Variants in CSF2RB observed in about 807,000 individuals in gnomAD.
CSF2RB encodes the protein colony stimulating factor 2 receptor subunit beta.
CSF2RB carries 22 observed loss-of-function variants against 67.2 expected under a neutral mutation model. The ratio of observed to expected loss-of-function variants is 0.33; its 90% CI spans 0.23 to 0.47. The LOEUF (loss-of-function observed/expected upper bound fraction) is 0.47. Ranked by LOEUF, CSF2RB falls within the 20% of genes least tolerant of loss-of-function variation. The pLI, the probability that CSF2RB is intolerant of heterozygous loss-of-function variation, is 1.00. For missense variants in CSF2RB, 1,113 were observed against 1,174.5 expected (o/e 0.95, Z 0.76); for synonymous variants, 507 against 482.9 (o/e 1.05, Z -0.65).
rs1227019581 is a variant in CSF2RB, at chr22:36,938,078, G to T, written c.2270G>T (p.Gly757Val). The part of the protein sequence containing the change: ...GLASGPPGAP[G>V]PVKSGFEGYV... ...GCCAGTGGACCCCCTGGAGCCCCAGGCCCTGTGAAGTCAGGGTTTGAGGGC... is the reference window on the plus strand; with the variant it reads ...GCCAGTGGACCCCCTGGAGCCCCAGTCCCTGTGAAGTCAGGGTTTGAGGGC... Residue 757 changes from glycine to valine, a missense_variant, in exon 14 of 14, where the codon GGC (glycine) becomes GTC (valine). Gly to Val is a moderately radical substitution (Grantham distance 109). Coordinates refer to ENST00000403662, the MANE Select transcript of CSF2RB (RefSeq NM_000395.3). The T allele has an allele frequency of 1.2e-6, 2 of 1,614,114 alleles. No individual in the cohort carries two copies. Among genetic ancestry groups the T allele is most frequent in the Admixed American group, 1.7e-5 (1 of 60,030 alleles).
intron 2 of CSF2RB, among the ~76,000 whole-genome samples, 173 bp downstream of exon 2, chr22:36,922,456 T>C (rs1293566065): frequency 6.6e-6 from 1 of 152,148 alleles, no homozygotes; most frequent in East Asian, 1.9e-4. Flanking sequence ...CTCCTGCACA[T>C]TCCTGCTCAT....
At chr22:36,926,612 CT>C (rs1941022686) in intron 4 of CSF2RB, among the ~76,000 whole-genome samples, 1 of 152,204 alleles carries the variant, frequency 6.6e-6, no homozygotes, top group South Asian at 2.1e-4. Context: ...TGGGGTCAGC[CT>C]TCCCGGGGGC....
chr22:36,920,459 C>A (rs1188907068), intron 1 of CSF2RB, among the ~76,000 whole-genome samples: 1 of 152,200 alleles, frequency 6.6e-6, no homozygotes, highest in Non-Finnish European at 1.5e-5. Context: ...AAGGAACAGG[C>A]CCTCACCAGA....
chr22:36,937,886 T>G lies in CSF2RB; in HGVS notation c.2078T>G (p.Val693Gly). ...GGACAGGACCAAAAGGACAGCCCTG[T>G]GGCTATACCCATGAGCTCTGGGGAC... ...VGGQDQKDSP[V>G]AIPMSSGDTE... Residue 693 changes from valine to glycine, a missense_variant, in exon 14 of 14, where the codon GTG becomes GGG. By Grantham distance (109) the Val-to-Gly change is moderately radical. Transcript: ENST00000403662. This position sits in a 1 kb window ranked among gnomAD's most constrained non-coding sequence, Gnocchi z 4.6. 1 of 1,614,158 alleles carries G rather than the reference T, an allele frequency of 6.2e-7. No individual in the cohort carries two copies. Among genetic ancestry groups the G allele is most frequent in the Non-Finnish European group, 8.5e-7 (1 of 1,180,002 alleles).
intron 3 of CSF2RB, among the ~76,000 whole-genome samples, chr22:36,924,269 T>TCC: frequency 1.6e-5 from 1 of 63,602 alleles, no homozygotes; most frequent in Non-Finnish European, 3.1e-5. Flanking sequence ...ACACTCACAC[T>TCC]CCCCACCCCC....
chr22:36,923,119 C>A (rs1335967013), intron 2 of CSF2RB, 125 bp from the exon 3 acceptor site: 18 of 1,441,154 alleles, frequency 1.2e-5, no homozygotes, highest in Non-Finnish European at 1.6e-5. Context: ...GCCTGGCCAC[C>A]TGGTGCCTCT....
chr22:36,921,996 A>T (rs1352277121), intron 1 of CSF2RB, 40 bp from the exon 2 acceptor site: 1 of 598,988 alleles, frequency 1.7e-6, no homozygotes, highest in Non-Finnish European at 3.0e-6. Flanking sequence ...GGACACGTGG[A>T]AGGGGAGGGG....
intron 1 of CSF2RB, among the ~76,000 whole-genome samples, chr22:36,915,422 T>TTA (rs35022648): frequency 0.39 from 56,447 of 146,224 alleles, 12,143 homozygotes; most frequent in East Asian, 0.52. Context: ...ATTATTTTAT[T>TTA]TATATATATA....
At position 36,933,912 on chromosome 22, in the gene CSF2RB, G is replaced by A. The variant is rs1941213698; in HGVS notation, c.1233G>A (p.Arg411=). The A allele has an allele frequency of 1.2e-6, 2 of 1,612,050 alleles. No individual in the cohort carries two copies. The highest frequency in any genetic ancestry group is 1.3e-5 in the African/African-American group (1 of 74,882). The part of the protein sequence containing the change: ...ALEPSTRYWA[R]VRVRTSRTGY... ...AGCCCTCCACCAGGTACTGGGCCAG[G>A]GTGAGGGTCAGGACCTCCCGCACCG... The change falls in exon 10 of 14, where the codon AGG becomes AGA. Residue 411 remains arginine (R), a synonymous_variant. Coordinates refer to ENST00000403662, the MANE Select transcript of CSF2RB (RefSeq NM_000395.3).
chr22:36,935,253 C>G, intron 10 of CSF2RB, 98 bp from the exon 11 acceptor site: 2 of 1,075,134 alleles, frequency 1.9e-6, no homozygotes, highest in Non-Finnish European at 1.4e-6. Context: ...CTGCACAGAG[C>G]GGGGTCTTAA....
At chr22:36,926,310 G>T (rs1386175796) in intron 4 of CSF2RB, 133 bp downstream of exon 4, 12 of 869,764 alleles carry the variant, frequency 1.4e-5, no homozygotes, top group Non-Finnish European at 2.0e-5. Flanking sequence ...AGGGATGAGG[G>T]TATGGTCTGG....
rs1941334451 is a variant in CSF2RB at position 36,939,010 on chromosome 22, G to A, written c.*508G>A. The A allele has an allele frequency of 6.4e-6, 4 of 628,854 alleles. No homozygotes were observed. Among genetic ancestry groups the A allele is most frequent in the Non-Finnish European group, 1.2e-5 (4 of 347,144 alleles). The allele number at this position is 628,854 out of a possible 1,614,324, so 39.0% of individuals were successfully genotyped here. On this transcript the variant is annotated 3_prime_UTR_variant, in exon 14 of 14. Transcript: ENST00000403662. ...TGGGTGCAGAGGTGGGAGGCACCAG[G>A]TGGGCACCCGTGGGGGTTAGGGCTT... is the stretch of plus-strand genomic sequence containing the variant.
At chr22:36,918,838 CTCTT>C (rs1940783895) in intron 1 of CSF2RB, among the ~76,000 whole-genome samples, 1 of 152,206 alleles carries the variant, frequency 6.6e-6, no homozygotes, top group Non-Finnish European at 1.5e-5. Context: ...CCAGCTTCCT[CTCTT>C]TCTGTTGCAT....
At position 36,938,265 on chromosome 22, in the gene CSF2RB, G is replaced by T. The variant is rs1219026841; in HGVS notation, c.2457G>T (p.Val819=). The T allele has an allele frequency of 6.2e-7, 1 of 1,614,194 alleles. No homozygotes were observed. Among genetic ancestry groups the T allele is most frequent in the Non-Finnish European group, 8.5e-7 (1 of 1,180,024 alleles). Residue 819 remains valine (V), a synonymous_variant, in exon 14 of 14, where the codon GTG becomes GTT. Transcript: ENST00000403662. Reference sequence around the variant, plus strand: ...AGGGCCTCCTTGTCCTGCAGCAAGTGGGCGACTATTGCTTCCTCCCCGGCC... The same window carrying T: ...AGGGCCTCCTTGTCCTGCAGCAAGTTGGCGACTATTGCTTCCTCCCCGGCC... ...QPEGLLVLQQ[V]GDYCFLPGLG... is the part of the protein sequence containing the mutation.
chr22:36,937,465 G>A lies in CSF2RB; in HGVS notation c.1657G>A (p.Asp553Asn), dbSNP rs1428983899. ...KHVCDPPSGP[D>N]TTPAASDLPT... ...TGTCTGTGATCCACCATCTGGGCCTGACACGACTCCAGCTGCCTCAGATCT... is the reference window on the plus strand; with the variant it reads ...TGTCTGTGATCCACCATCTGGGCCTAACACGACTCCAGCTGCCTCAGATCT... The change falls in exon 14 of 14, where the codon GAC becomes AAC. Residue 553 changes from aspartate to asparagine, a missense_variant. Around this residue, in one of 2 missense-constraint regions of CSF2RB, gnomAD observed 554 missense variants for 517.9 expected, o/e 1.07. Coordinates refer to ENST00000403662, the MANE Select transcript of CSF2RB (RefSeq NM_000395.3). This position sits in a 1 kb window ranked among gnomAD's most constrained non-coding sequence, Gnocchi z 4.6. 1 of 1,613,966 alleles carries A rather than the reference G, an allele frequency of 6.2e-7. No homozygotes were observed. Among genetic ancestry groups the A allele is most frequent in the Admixed American group, 1.7e-5 (1 of 60,018 alleles).
chr22:36,934,458 T>G (rs75932490), intron 10 of CSF2RB, among the ~76,000 whole-genome samples: 4,691 of 152,296 alleles, frequency 0.031, 72 homozygotes, highest in Middle Eastern at 0.045. Flanking sequence ...TCGCTCCTCC[T>G]TTAAACTGGG....
At chr22:36,931,970 A>G (rs1941154045) in intron 8 of CSF2RB, among the ~76,000 whole-genome samples, 1 of 152,226 alleles carries the variant, frequency 6.6e-6, no homozygotes, top group South Asian at 2.1e-4. Context: ...GTGGGATTGC[A>G]ATCTTTGCCT....
Position 36,937,262 on chromosome 22 carries a change from C to A in CSF2RB, c.1569-115C>A. On this transcript the variant is annotated intron_variant, in intron 13 of 13. Coordinates refer to ENST00000403662, the MANE Select transcript of CSF2RB (RefSeq NM_000395.3). This position sits in a 1 kb window ranked among gnomAD's most constrained non-coding sequence, Gnocchi z 4.6. ...CCCGTTCAGGTTCTCTCTGTGAGAT[C>A]TGGGGGACATCAGGGCTTCCAGAGA... 1 of 1,315,254 alleles carries A rather than the reference C, an allele frequency of 7.6e-7. No homozygotes were observed. Among genetic ancestry groups the A allele is most frequent in the South Asian group, 1.2e-5 (1 of 80,750 alleles). 81.5% of individuals were successfully genotyped at this position (1,315,254 alleles called of 1,614,324 possible). A position where few individuals can be genotyped will look rare whatever the true frequency, so the allele number is the denominator to read the frequency against.
chr22:36,923,039 T>A (rs2072707), intron 2 of CSF2RB, among the ~76,000 whole-genome samples: 2 of 151,964 alleles, frequency 1.3e-5, no homozygotes, highest in Admixed American at 6.5e-5. Flanking sequence ...ACAGAATGTC[T>A]TGCTTCTGCC....
Sources: allele counts gnomAD v4.1 joint callset (sites outside exome capture counted in the v4.1 genomes callset), GRCh38; gene constraint gnomAD v4.1.1; regional missense constraint gnomAD v4.1.1; non-coding constraint Gnocchi (gnomAD v3.1); transcripts MANE v1.5; gene names NCBI Gene and HGNC (gene_info 2026-07-23, HGNC 2026-07-21).